The following DLG2 variants were observed in gnomAD, a reference collection of about 807,000 sequenced individuals.
The protein encoded by DLG2 is discs large MAGUK scaffold protein 2.
In DLG2, 45 loss-of-function variants were observed where a neutral mutation model predicts 132.5. That is an observed-to-expected ratio of 0.34 (90% CI 0.27 to 0.44). The LOEUF is 0.44. Ranked by LOEUF, DLG2 falls within the 20% of genes least tolerant of loss-of-function variation. The pLI, the probability that DLG2 is intolerant of heterozygous loss-of-function variation, is 1.00. For missense variants in DLG2, 1,045 were observed against 1,196.9 expected (o/e 0.87, Z 1.87); for synonymous variants, 424 against 419.6 (o/e 1.01, Z -0.13).
chr11:84,824,062 C>T (rs1454470253), intron 6 of DLG2, among the ~76,000 whole-genome samples: 1 of 151,884 alleles, frequency 6.6e-6, no homozygotes, highest in African/African-American at 2.4e-5. Flanking sequence ...GTTTCAACAG[C>T]ATTCTTTCCT....
intron 14 of DLG2, among the ~76,000 whole-genome samples, chr11:83,937,318 T>C (rs1026386270): frequency 6.6e-6 from 1 of 151,766 alleles, no homozygotes; most frequent in Non-Finnish European, 1.5e-5. Context: ...CCATCCTGGC[T>C]ACCACGGTGA....
rs1410767589 is a variant in DLG2 at position 85,174,930 on chromosome 11, C to T, written c.187-20279G>A. On this transcript the variant is annotated intron_variant, in intron 4 of 27. Transcript: ENST00000376104. Reference sequence around the variant, plus strand: ...GACAGAACCAGGGCAAAAATTAAAGCCCTGAATAGACCAATAACAAGTTCT... The same window carrying T: ...GACAGAACCAGGGCAAAAATTAAAGTCCTGAATAGACCAATAACAAGTTCT... Among the ~76,000 whole-genome samples the T allele has an allele frequency of 3.9e-5, 6 of 151,998 alleles. No homozygotes were observed. The East Asian group carries it at 1.2e-3, about 29-fold the overall frequency.
intron 6 of DLG2, among the ~76,000 whole-genome samples, chr11:85,048,720 A>AT (rs1481651625): frequency 1.3e-5 from 2 of 152,056 alleles, no homozygotes; most frequent in African/African-American, 4.8e-5. Flanking sequence ...AAACAATGGG[A>AT]TTTTGTGAAG....
At chr11:84,808,326 G>A (rs918792716) in intron 6 of DLG2, among the ~76,000 whole-genome samples, 6 of 152,136 alleles carry the variant, frequency 3.9e-5, no homozygotes, top group African/African-American at 1.4e-4. Context: ...ATGGGACACA[G>A]TTAAAGTCAC....
chr11:83,603,112 GGAGA>G (rs1210274925), intron 19 of DLG2, among the ~76,000 whole-genome samples: 1 of 151,728 alleles, frequency 6.6e-6, no homozygotes, highest in Non-Finnish European at 1.5e-5. Flanking sequence ...GATGGTAGTG[GGAGA>G]GAGATAGATC....
intron 6 of DLG2, among the ~76,000 whole-genome samples, chr11:84,933,923 C>A (rs1309995262): frequency 6.6e-6 from 1 of 152,180 alleles, no homozygotes; most frequent in Non-Finnish European, 1.5e-5. Flanking sequence ...TGAGAAAGGG[C>A]ATCCTTTTAT....
intron 6 of DLG2, among the ~76,000 whole-genome samples, chr11:84,977,008 A>T (rs2055000481): frequency 6.6e-6 from 1 of 152,140 alleles, no homozygotes; most frequent in Non-Finnish European, 1.5e-5. Flanking sequence ...CAATGTAGCT[A>T]TATAGAATAT....
At chr11:84,477,868 AT>A (rs1472888205) in intron 7 of DLG2, among the ~76,000 whole-genome samples, 1 of 152,212 alleles carries the variant, frequency 6.6e-6, no homozygotes, top group African/African-American at 2.4e-5. Flanking sequence ...AGGTGGCAGT[AT>A]TAGTGGCAGT....
At chr11:84,931,402 G>A (rs1012658295) in intron 6 of DLG2, among the ~76,000 whole-genome samples, 9 of 152,210 alleles carry the variant, frequency 5.9e-5, no homozygotes, top group East Asian at 3.9e-4. Context: ...CCACTTGTAA[G>A]TGAGAGCATG....
intron 7 of DLG2, among the ~76,000 whole-genome samples, chr11:84,470,486 A>G (rs930132169): frequency 1.7e-4 from 26 of 151,774 alleles, no homozygotes; most frequent in Admixed American, 1.3e-3. Flanking sequence ...AACAATTGTC[A>G]TTTACTGAGA....
At chr11:85,403,143 C>G (rs2088340537) in intron 3 of DLG2, among the ~76,000 whole-genome samples, 1 of 152,220 alleles carries the variant, frequency 6.6e-6, no homozygotes, top group Non-Finnish European at 1.5e-5. Context: ...ACATATACAC[C>G]ATGGAATACT....
rs563633328 is a variant in DLG2 at position 85,558,788 on chromosome 11, T to C, written c.40+39869A>G. Among the ~76,000 whole-genome samples, 21 of 151,932 alleles carry C rather than the reference T, an allele frequency of 1.4e-4. 2 individuals are homozygous for C. Among genetic ancestry groups the C allele is most frequent in the Non-Finnish European group, 1.5e-5 (1 of 67,866 alleles). On this transcript the variant is annotated intron_variant, in intron 3 of 27. Coordinates refer to ENST00000376104, the MANE Select transcript of DLG2 (RefSeq NM_001142699.3). ...GGCAACAATAGACATTAGAGACTACTGTGAGGAGGTAAGGAGTCGGGCAAA... is the reference window on the plus strand; with the variant it reads ...GGCAACAATAGACATTAGAGACTACCGTGAGGAGGTAAGGAGTCGGGCAAA...
intron 6 of DLG2, among the ~76,000 whole-genome samples, chr11:84,869,253 G>A (rs906350268): frequency 7.9e-5 from 12 of 152,306 alleles, no homozygotes; most frequent in African/African-American, 2.9e-4. Context: ...GGTAGCTACT[G>A]AGTGATCTGT....
At chr11:83,539,950 G>A (rs995817823) in intron 20 of DLG2, among the ~76,000 whole-genome samples, 1 of 152,150 alleles carries the variant, frequency 6.6e-6, no homozygotes, top group Non-Finnish European at 1.5e-5. Context: ...GAACCTCAGG[G>A]TTGGAAAGAG....
intron 3 of DLG2, among the ~76,000 whole-genome samples, chr11:85,444,163 C>G (rs916525916): frequency 3.3e-5 from 5 of 151,988 alleles, no homozygotes; most frequent in Admixed American, 2.6e-4. Context: ...ATTTTAACTC[C>G]AACTTAAAAA....
At chr11:84,858,832 T>C (rs1341347733) in intron 6 of DLG2, among the ~76,000 whole-genome samples, 1 of 151,978 alleles carries the variant, frequency 6.6e-6, no homozygotes, top group Non-Finnish European at 1.5e-5. Flanking sequence ...TGACAAGTAC[T>C]CAAACAAAAA....
chr11:85,491,860 AT>A (rs1181054503), intron 3 of DLG2, among the ~76,000 whole-genome samples: 2 of 152,104 alleles, frequency 1.3e-5, no homozygotes, highest in Non-Finnish European at 2.9e-5. Flanking sequence ...CACTGTCAAA[AT>A]TTTAATGACA....
intron 19 of DLG2, among the ~76,000 whole-genome samples, chr11:83,608,840 G>T (rs2059713392): frequency 6.6e-6 from 1 of 152,030 alleles, no homozygotes; most frequent in South Asian, 2.1e-4. Context: ...GGGGCAGCAG[G>T]CTAATGAATG....
chr11:84,071,759 A>C (rs1467296136), intron 10 of DLG2, among the ~76,000 whole-genome samples: 1 of 152,224 alleles, frequency 6.6e-6, no homozygotes, highest in Non-Finnish European at 1.5e-5. Context: ...ACATTTAAAA[A>C]ATCCAAGCAA....
Sources: allele counts gnomAD v4.1 joint callset (sites outside exome capture counted in the v4.1 genomes callset), GRCh38; gene constraint gnomAD v4.1.1; transcripts MANE v1.5; gene names NCBI Gene and HGNC (gene_info 2026-07-23, HGNC 2026-07-21).